The following HIP1 variants were observed in gnomAD, a reference collection of about 807,000 sequenced individuals.
HIP1 encodes huntingtin-interacting protein 1.
In HIP1, 65 loss-of-function variants were observed where a neutral mutation model predicts 147.6. That is an observed-to-expected ratio of 0.44 (90% CI 0.36 to 0.54). The LOEUF (loss-of-function observed/expected upper bound fraction) is 0.54, where lower values mean the gene tolerates loss of function less well. Ranked by LOEUF, HIP1 falls within the 20% of genes least tolerant of loss-of-function variation. HIP1 has a pLI of 0.00. For synonymous variants in HIP1, 479 were observed against 504.0 expected (o/e 0.95, Z 0.67); for missense variants, 1,061 against 1,299.6 (o/e 0.82, Z 2.82).
At chr7:75,695,462 G>A (rs1209024888) in intron 1 of HIP1, among the ~76,000 whole-genome samples, 1 of 152,164 alleles carries the variant, frequency 6.6e-6, no homozygotes, top group East Asian at 1.9e-4. Context: ...TGAATTAGGA[G>A]CTCTGGGTCA....
At chr7:75,652,703 G>A (rs544355684) in intron 1 of HIP1, among the ~76,000 whole-genome samples, 36 of 152,038 alleles carry the variant, frequency 2.4e-4, no homozygotes, top group African/African-American at 6.5e-4. Flanking sequence ...AAAAAAACTC[G>A]TTTATAATGC....
At chr7:75,586,591 G>A (rs1796292538) in intron 5 of HIP1, among the ~76,000 whole-genome samples, 162 bp downstream of exon 5, 2 of 152,150 alleles carry the variant, frequency 1.3e-5, no homozygotes, top group Admixed American at 6.6e-5. Flanking sequence ...TGGGCCTGGC[G>A]GTGGCTTTCC....
chr7:75,552,722 A>T (rs1474781077), intron 22 of HIP1, among the ~76,000 whole-genome samples: 4 of 152,142 alleles, frequency 2.6e-5, no homozygotes, highest in African/African-American at 9.7e-5. Flanking sequence ...GCCCACCTAG[A>T]TAAAAATCCT....
chr7:75,581,149 T>A, intron 7 of HIP1, 88 bp downstream of exon 7: 1 of 1,009,026 alleles, frequency 9.9e-7, no homozygotes. Flanking sequence ...TTCCTACCCC[T>A]TGTGCTGCAC....
At chr7:75,578,835 T>C (rs1002686628) in intron 7 of HIP1, among the ~76,000 whole-genome samples, 1 of 152,112 alleles carries the variant, frequency 6.6e-6, no homozygotes, top group Non-Finnish European at 1.5e-5. Flanking sequence ...ATTTTTTTTT[T>C]CAAGGAGTCT....
At chr7:75,720,349 T>TG (rs1801461559) in intron 1 of HIP1, among the ~76,000 whole-genome samples, 1 of 151,952 alleles carries the variant, frequency 6.6e-6, no homozygotes, top group Non-Finnish European at 1.5e-5. Context: ...TGAGTAGAGA[T>TG]GGGGTTTCAC....
intron 1 of HIP1, among the ~76,000 whole-genome samples, chr7:75,704,532 C>CT (rs1800932240): frequency 6.6e-6 from 1 of 151,792 alleles, no homozygotes; most frequent in African/African-American, 2.4e-5. Flanking sequence ...GCATGAGCCA[C>CT]TGCACCCAGC....
chr7:75,682,698 TA>T (rs1438725553), intron 1 of HIP1, among the ~76,000 whole-genome samples: 1 of 152,028 alleles, frequency 6.6e-6, no homozygotes, highest in East Asian at 1.9e-4. Flanking sequence ...CTGGAATGCT[TA>T]AAAAAAGCAC....
intron 9 of HIP1, 50 bp from the exon 10 acceptor site, chr7:75,563,313 A>G: frequency 1.3e-6 from 2 of 1,562,358 alleles, no homozygotes; most frequent in Non-Finnish European, 1.8e-6. Flanking sequence ...CATCAGCCCC[A>G]TGTAGGGGAC....
Position 75,536,882 on chromosome 7 carries a change from G to T in HIP1, c.*1290C>A. 4.3e-6 allele frequency: 1 copy of T among 231,026 alleles called. No homozygotes were observed. Among genetic ancestry groups the T allele is most frequent in the East Asian group, 6.1e-5 (1 of 16,302 alleles). 14.3% of individuals were successfully genotyped at this position (231,026 alleles called of 1,614,324 possible). A position where few individuals can be genotyped will look rare whatever the true frequency, so the allele number is the denominator to read the frequency against. ...TCTTTGTAGGCTGTTGCTGCTTAAGGGAGGTTAGTAATAAATACTAAGGGT... is the reference window on the plus strand; with the variant it reads ...TCTTTGTAGGCTGTTGCTGCTTAAGTGAGGTTAGTAATAAATACTAAGGGT... On this transcript the variant is annotated 3_prime_UTR_variant, in exon 31 of 31. Transcript: ENST00000336926.
intron 1 of HIP1, among the ~76,000 whole-genome samples, chr7:75,676,367 G>A (rs575560866): frequency 7.2e-5 from 11 of 152,280 alleles, no homozygotes; most frequent in African/African-American, 2.6e-4. Context: ...CTCGCACAGA[G>A]CCTCAAGGTC....
chr7:75,561,637 T>C (rs79389191), intron 12 of HIP1, among the ~76,000 whole-genome samples: 6 of 152,242 alleles, frequency 3.9e-5, no homozygotes, highest in East Asian at 1.9e-4. Flanking sequence ...CATTCCTTTT[T>C]TGTGTGTGTT....
intron 1 of HIP1, chr7:75,639,140 G>T: frequency 1.0e-6 from 1 of 984,144 alleles, no homozygotes; most frequent in African/African-American, 1.7e-5. Flanking sequence ...GGCTAATCGC[G>T]CCCCGAGGGT....
At chr7:75,619,515 C>CAAAAAAAAAA (rs587631989) in intron 1 of HIP1, among the ~76,000 whole-genome samples, 1 of 109,712 alleles carries the variant, frequency 9.1e-6, no homozygotes. Context: ...GACTTTGTCT[C>CAAAAAAAAAA]AAAAAAAAAA....
At chr7:75,683,117 G>A (rs1187932573) in intron 1 of HIP1, among the ~76,000 whole-genome samples, 1 of 152,170 alleles carries the variant, frequency 6.6e-6, no homozygotes, top group African/African-American at 2.4e-5. Flanking sequence ...GAGCAGCTGG[G>A]ACTACAGGCG....
chr7:75,622,320 C>T (rs1584891784), intron 1 of HIP1, among the ~76,000 whole-genome samples: 2 of 151,500 alleles, frequency 1.3e-5, no homozygotes, highest in South Asian at 2.1e-4. Flanking sequence ...TAAATTTGGA[C>T]GGAATGTAAG....
chr7:75,691,925 T>A (rs1182833976), intron 1 of HIP1, among the ~76,000 whole-genome samples: 3 of 152,050 alleles, frequency 2.0e-5, no homozygotes, highest in Non-Finnish European at 4.4e-5. Context: ...TATGGTTTCT[T>A]TGCAGGGGGT....
At chr7:75,592,323 C>T in intron 3 of HIP1, 49 bp downstream of exon 3, 2 of 1,571,946 alleles carry the variant, frequency 1.3e-6, no homozygotes, top group Middle Eastern at 1.7e-4. Context: ...AGTCACTTTC[C>T]CCACAAGGAT....
At chr7:75,636,024 CAAAA>C (rs34434184) in intron 1 of HIP1, among the ~76,000 whole-genome samples, 878 of 53,662 alleles carry the variant, frequency 0.016, 11 homozygotes, top group African/African-American at 0.072. Context: ...GACCCTGTCT[CAAAA>C]AAAAAAAAAA....
Sources: allele counts gnomAD v4.1 joint callset (sites outside exome capture counted in the v4.1 genomes callset), GRCh38; gene constraint gnomAD v4.1.1; transcripts MANE v1.5; gene names NCBI Gene and HGNC (gene_info 2026-07-23, HGNC 2026-07-21).